TENT2: variants seen among roughly 807,000 people sequenced by gnomAD.
TENT2 encodes terminal nucleotidyltransferase 2, also known as poly(A) RNA polymerase GLD2.
TENT2 carries 44 observed loss-of-function variants against 72.2 expected under a neutral mutation model. The ratio of observed to expected loss-of-function variants is 0.61; its 90% CI spans 0.48 to 0.78. The LOEUF (loss-of-function observed/expected upper bound fraction) is 0.78, where lower values mean the gene tolerates loss of function less well. TENT2 is among the 30% of genes least tolerant of loss of function. The probability of loss-of-function intolerance (pLI) is 0.00; values close to 1 mark genes in which losing one functional copy is unlikely to be tolerated. For missense variants in TENT2, 541 were observed against 569.6 expected (o/e 0.95, Z 0.51); for synonymous variants, 212 against 192.5 (o/e 1.10, Z -0.84).
intron 10 of TENT2, among the ~76,000 whole-genome samples, chr5:79,652,962 T>C (rs909931064): frequency 1.3e-5 from 2 of 151,984 alleles, no homozygotes; most frequent in Non-Finnish European, 2.9e-5. Context: ...ATTTCTTATA[T>C]ATATAAAATA....
intron 7 of TENT2, 62 bp downstream of exon 7, chr5:79,642,972 T>TA: frequency 6.3e-7 from 1 of 1,581,374 alleles, no homozygotes; most frequent in Non-Finnish European, 8.6e-7. Flanking sequence ...AAATGCCTCT[T>TA]ACATTATCTT....
intron 13 of TENT2, 188 bp from the exon 14 acceptor site, chr5:79,681,794 T>G (rs1822158946): frequency 2.1e-6 from 1 of 480,432 alleles, no homozygotes; most frequent in Non-Finnish European, 3.8e-6. Context: ...TCTACCTTAT[T>G]AGGCAGTTCA....
rs193241420 is a variant in TENT2 at position 79,657,789 on chromosome 5, A to C, written c.1071+788A>C. The stretch of plus-strand genomic sequence containing the variant: ...AGCTACTTGTTTAGAATGTTTGACT[A>C]CTCTTCTGAAACCACGTAATTTTTA... On this transcript the variant is annotated intron_variant, in intron 11 of 14. Coordinates refer to ENST00000453514, the MANE Select transcript of TENT2 (RefSeq NM_001114394.3). Among the ~76,000 whole-genome samples the C allele has an allele frequency of 2.6e-4, 39 of 152,180 alleles. 2 individuals are homozygous for C. The East Asian group carries it at 7.1e-3, about 28-fold the overall frequency.
At chr5:79,640,669 G>GT (rs1460904429) in intron 4 of TENT2, among the ~76,000 whole-genome samples, 182 bp from the exon 5 acceptor site, 1 of 152,066 alleles carries the variant, frequency 6.6e-6, no homozygotes, top group Non-Finnish European at 1.5e-5. Context: ...TTTATGTGTG[G>GT]TTTTTCAGAC....
At position 79,688,009 on chromosome 5, in the gene TENT2, G is replaced by A. The variant is rs140702369; in HGVS notation, c.*2736G>A. The stretch of plus-strand genomic sequence containing the variant: ...TGGTGTTAAGAGAATAAATATTGCT[G>A]ATGCTAAACCTGGTTTAGTGAGCTG... On this transcript the variant is annotated 3_prime_UTR_variant, in exon 15 of 15. Transcript: ENST00000453514. Among the ~76,000 whole-genome samples the A allele has an allele frequency of 3.0e-4, 45 of 152,242 alleles. No individual in the cohort carries two copies. The highest frequency in any genetic ancestry group is 1.1e-3 in the African/African-American group (45 of 41,536).
intron 1 of TENT2, among the ~76,000 whole-genome samples, chr5:79,614,340 T>G (rs555836965): frequency 5.3e-5 from 8 of 152,186 alleles, no homozygotes; most frequent in African/African-American, 1.9e-4. Context: ...TGACCTCAGG[T>G]GATCCATCCG....
rs188100408 is a variant in TENT2, at chr5:79,682,644, T to C, written c.1380+583T>C. On this transcript the variant is annotated intron_variant, in intron 14 of 14. Transcript: ENST00000453514. The stretch of plus-strand genomic sequence containing the variant: ...TCCAAAATAAGTGAATAAAACCTAA[T>C]GGACTCTTTTCCTTCCTTAGTGTAT... Among the ~76,000 whole-genome samples the C allele has an allele frequency of 3.6e-3, 545 of 152,256 alleles. 2 individuals are homozygous for C. Among genetic ancestry groups the C allele is most frequent in the Middle Eastern group, 0.034 (10 of 294 alleles).
intron 11 of TENT2, among the ~76,000 whole-genome samples, chr5:79,661,813 T>G (rs2150432227): frequency 6.6e-6 from 1 of 152,292 alleles, no homozygotes; most frequent in Middle Eastern, 3.4e-3. Flanking sequence ...CCACATTGAT[T>G]GATTCTTCTT....
rs1240965902 is a variant in TENT2, at chr5:79,623,114, T to G, written c.228-138T>G. 5.1e-6 allele frequency: 3 copies of G among 589,794 alleles called. No homozygotes were observed. The African/African-American group carries it at 5.6e-5, about 11-fold the overall frequency. 36.5% of individuals were successfully genotyped at this position (589,794 alleles called of 1,614,324 possible). A position where few individuals can be genotyped will look rare whatever the true frequency, so the allele number is the denominator to read the frequency against. On this transcript the variant is annotated intron_variant, in intron 3 of 14. Coordinates refer to ENST00000453514, the MANE Select transcript of TENT2 (RefSeq NM_001114394.3). ...TGAACATGAATATTTTTAAGATCCA[T>G]ATAAAGCTAATAAAGTGACCTTATT...
chr5:79,623,466 A>T lies in TENT2; in HGVS notation c.442A>T (p.Thr148Ser). ...EIAFLEPREI[T>S]LPEAKDKLSQ... ...TGCATTTTTAGAACCTAGAGAAATC[A>T]CACTGCCTGAGGCCAAAGATAAGGT... Residue 148 changes from threonine to serine, a missense_variant, in exon 4 of 15, where the codon ACA becomes TCA. Transcript: ENST00000453514. The T allele has an allele frequency of 6.2e-7, 1 of 1,608,740 alleles. No individual in the cohort carries two copies. Among genetic ancestry groups the T allele is most frequent in the Non-Finnish European group, 8.5e-7 (1 of 1,176,748 alleles).
At chr5:79,633,681 G>T (rs1332942940) in intron 4 of TENT2, among the ~76,000 whole-genome samples, 2 of 147,678 alleles carry the variant, frequency 1.4e-5, no homozygotes, top group African/African-American at 5.0e-5. Context: ...CTCCCAAAGT[G>T]CTGGAATTAC....
In TENT2 at chr5:79,644,069, C is replaced by T. The variant is rs181401245; in HGVS notation, c.752-1054C>T. On this transcript the variant is annotated intron_variant, in intron 7 of 14. Coordinates refer to ENST00000453514, the MANE Select transcript of TENT2 (RefSeq NM_001114394.3). The stretch of plus-strand genomic sequence containing the variant: ...TGATCACAGGTCACTGCAACCTCCA[C>T]CTCCCTGGTTTAAGCGATTCTCATG... 6.6e-5 allele frequency among the ~76,000 whole-genome samples: 10 copies of T among 151,934 alleles called. No homozygotes were observed. In the East Asian group the frequency reaches 1.4e-3, roughly 21 times the overall value.
At chr5:79,670,265 A>G (rs946003976) in intron 12 of TENT2, among the ~76,000 whole-genome samples, 1 of 151,996 alleles carries the variant, frequency 6.6e-6, no homozygotes, top group Admixed American at 6.6e-5. Context: ...TTGACACAGA[A>G]TTCACACTTA....
chr5:79,684,437 G>A (rs983012394), intron 14 of TENT2, among the ~76,000 whole-genome samples: 2 of 151,880 alleles, frequency 1.3e-5, no homozygotes, highest in East Asian at 3.9e-4. Context: ...TGTATTTTTT[G>A]TACAGACAGG....
chr5:79,623,283 GA>G lies in TENT2; in HGVS notation c.260del (p.Asp87AlafsTer16). 2 of 1,612,498 alleles carry G rather than the reference GA, an allele frequency of 1.2e-6. No homozygotes were observed. Among genetic ancestry groups the G allele is most frequent in the Non-Finnish European group, 1.7e-6 (2 of 1,179,294 alleles). On this transcript the variant is annotated frameshift_variant, in exon 4 of 15. Coordinates refer to ENST00000453514, the MANE Select transcript of TENT2 (RefSeq NM_001114394.3). LOFTEE classifies it high-confidence loss of function. The stretch of plus-strand genomic sequence containing the variant: ...AAGCGATGAAAAAAACCTTCCTCTT[GA>G]CGGTAAACGGCAACGTTTCCATTCA... ...RLSDEKNLPL[D>X]GKRQRFHSPH...
intron 11 of TENT2, among the ~76,000 whole-genome samples, chr5:79,660,774 C>A (rs1802249898): frequency 6.6e-6 from 1 of 152,026 alleles, no homozygotes; most frequent in Non-Finnish European, 1.5e-5. Context: ...ATTTAAAAAA[C>A]AAGCTAACTA....
intron 14 of TENT2, among the ~76,000 whole-genome samples, chr5:79,683,942 A>AG (rs1824453113): frequency 6.6e-6 from 1 of 150,858 alleles, no homozygotes; most frequent in African/African-American, 2.4e-5. Flanking sequence ...AAAAAAAAAA[A>AG]AAAAAAAAAA....
chr5:79,620,195 G>A, intron 3 of TENT2, 112 bp downstream of exon 3: 1 of 673,220 alleles, frequency 1.5e-6, no homozygotes, highest in Non-Finnish European at 2.5e-6. Context: ...TTTGTTTTCT[G>A]GGACCTGTAC....
chr5:79,641,185 A>G lies in TENT2; in HGVS notation c.661A>G (p.Lys221Glu). The change falls in exon 6 of 15, where the codon AAG becomes GAG. Residue 221 changes from lysine to glutamate, a missense_variant. Physicochemically the swap from Lys to Glu is moderately conservative, Grantham distance 56. Transcript: ENST00000453514. ...SSDGDLCLVV[K>E]EEPCFFQVNQ... is the part of the protein sequence containing the mutation. ...TGATGGTGATTTATGCCTAGTTGTTAAGGAAGAACCAGTAAGTAAGGAAAC... is the reference window on the plus strand; with the variant it reads ...TGATGGTGATTTATGCCTAGTTGTTGAGGAAGAACCAGTAAGTAAGGAAAC... 1 of 1,569,256 alleles carries G rather than the reference A, an allele frequency of 6.4e-7. No homozygotes were observed. Among genetic ancestry groups the G allele is most frequent in the Non-Finnish European group, 8.6e-7 (1 of 1,165,588 alleles).
Sources: gnomAD v4.1 joint callset for allele counts (sites outside exome capture counted in the v4.1 genomes callset) on GRCh38, gnomAD v4.1.1 for gene constraint, MANE v1.5 for transcripts, NCBI Gene and HGNC (gene_info 2026-07-23, HGNC 2026-07-21) for gene names.